The following CDH13 variants were observed in gnomAD, a reference collection of about 807,000 sequenced individuals.
CDH13 encodes cadherin-13.
In CDH13, 24 loss-of-function variants were observed where a neutral mutation model predicts 63.8. That is an observed-to-expected ratio of 0.38 (90% CI 0.27 to 0.53). The LOEUF (loss-of-function observed/expected upper bound fraction) is 0.53. Among genes scored for constraint, CDH13 ranks in the 20% least tolerant of loss-of-function variants. The pLI, the probability that CDH13 is intolerant of heterozygous loss-of-function variation, is 0.85. For synonymous variants in CDH13, 503 were observed against 355.3 expected, an observed-to-expected ratio of 1.42 and a Z score of -4.67; for missense variants, 1,049 against 903.1, an observed-to-expected ratio of 1.16 and a Z score of -2.07.
intron 2 of CDH13, among the ~76,000 whole-genome samples, chr16:82,865,841 A>C (rs189249563): frequency 2.0e-5 from 3 of 152,116 alleles, no homozygotes; most frequent in African/African-American, 4.8e-5. Flanking sequence ...CAGGCTGCAA[A>C]TTTTCCAAAC....
At chr16:83,392,990 G>A (rs941436546) in intron 6 of CDH13, among the ~76,000 whole-genome samples, 20 of 151,986 alleles carry the variant, frequency 1.3e-4, no homozygotes, top group Non-Finnish European at 2.4e-4. Flanking sequence ...AGGGTGATGG[G>A]GTGTGGGTGC....
intron 10 of CDH13, among the ~76,000 whole-genome samples, chr16:83,687,787 A>G (rs1233642141): frequency 1.3e-5 from 2 of 152,220 alleles, no homozygotes; most frequent in East Asian, 3.8e-4. Flanking sequence ...AGTCCATGAA[A>G]GTTACATTGA....
intron 1 of CDH13, among the ~76,000 whole-genome samples, chr16:82,706,638 T>TAA (rs761433255): frequency 5.9e-5 from 8 of 134,614 alleles, no homozygotes; most frequent in East Asian, 2.1e-4. Context: ...CTACTAAAAC[T>TAA]AAAAAAAAAA....
intron 7 of CDH13, among the ~76,000 whole-genome samples, chr16:83,590,461 G>C (rs1013465094): frequency 6.6e-6 from 1 of 152,196 alleles, no homozygotes; most frequent in African/African-American, 2.4e-5. Flanking sequence ...AGAACGGCCA[G>C]GTTGTGGGGA....
At chr16:83,684,915 C>T (rs964231628) in intron 10 of CDH13, among the ~76,000 whole-genome samples, 2 of 151,988 alleles carry the variant, frequency 1.3e-5, no homozygotes, top group Non-Finnish European at 2.9e-5. Flanking sequence ...AGGTCTAGAG[C>T]AGGCATGACA....
intron 1 of CDH13, among the ~76,000 whole-genome samples, chr16:82,822,234 C>G (rs1370031823): frequency 6.6e-6 from 1 of 151,988 alleles, no homozygotes; most frequent in African/African-American, 2.4e-5. Flanking sequence ...AAATGTCTAT[C>G]AAAAGAACAC....
chr16:82,779,104 G>A (rs184928868), intron 1 of CDH13, among the ~76,000 whole-genome samples: 2 of 152,268 alleles, frequency 1.3e-5, no homozygotes, highest in Admixed American at 1.3e-4. Context: ...TGAGTAATGA[G>A]TCCACTGAAA....
chr16:83,190,080 G>T (rs763362307), intron 4 of CDH13, among the ~76,000 whole-genome samples: 4 of 152,116 alleles, frequency 2.6e-5, no homozygotes, highest in Non-Finnish European at 5.9e-5. Flanking sequence ...TAAGTCTTGG[G>T]TATGTCTTTA....
intron 6 of CDH13, among the ~76,000 whole-genome samples, chr16:83,418,944 G>C (rs1233737965): frequency 6.6e-6 from 1 of 152,128 alleles, no homozygotes; most frequent in East Asian, 1.9e-4. Flanking sequence ...TCTTCTGATA[G>C]GGAATGGCAA....
intron 11 of CDH13, among the ~76,000 whole-genome samples, chr16:83,764,496 C>T (rs1336814184): frequency 1.3e-5 from 2 of 152,206 alleles, no homozygotes; most frequent in African/African-American, 2.4e-5. Context: ...ACCAGTTCAT[C>T]CTGCCAAAGT....
At position 83,042,460 on chromosome 16, in the gene CDH13, T is replaced by C. The variant is rs137944137; in HGVS notation, c.366+10242T>C. ...CCCATCACCCCGAGACAGGACCATG[T>C]AGTCGCAGGAAAACAAGCTGAGGGC... On this transcript the variant is annotated intron_variant, in intron 3 of 13. Coordinates refer to ENST00000567109, the MANE Select transcript of CDH13 (RefSeq NM_001257.5). 5.0e-3 allele frequency among the ~76,000 whole-genome samples: 760 copies of C among 152,262 alleles called. 9 individuals carry two copies. The highest frequency in any genetic ancestry group is 0.037 in the Middle Eastern group (11 of 294).
At chr16:83,680,441 G>T (rs576459929) in intron 10 of CDH13, among the ~76,000 whole-genome samples, 1 of 152,306 alleles carries the variant, frequency 6.6e-6, no homozygotes, top group South Asian at 2.1e-4. Flanking sequence ...GCCCATAGGT[G>T]CAGTCCCAGC....
At chr16:82,967,873 A>C (rs748124840) in intron 2 of CDH13, among the ~76,000 whole-genome samples, 1 of 152,152 alleles carries the variant, frequency 6.6e-6, no homozygotes, top group Non-Finnish European at 1.5e-5. Flanking sequence ...TTTGTAACTA[A>C]CAAGGGTCTT....
intron 1 of CDH13, among the ~76,000 whole-genome samples, chr16:82,741,773 G>A (rs1449059737): frequency 1.3e-5 from 2 of 151,912 alleles, no homozygotes; most frequent in South Asian, 2.1e-4. Context: ...TTCAAATAGG[G>A]AATTATGTTT....
chr16:82,693,542 T>G (rs997266541), intron 1 of CDH13, among the ~76,000 whole-genome samples: 1 of 152,200 alleles, frequency 6.6e-6, no homozygotes, highest in African/African-American at 2.4e-5. Flanking sequence ...GTATGCTGCA[T>G]AAAGGACCCC....
intron 10 of CDH13, among the ~76,000 whole-genome samples, chr16:83,689,860 A>C (rs910033931): frequency 2.0e-5 from 3 of 152,210 alleles, no homozygotes; most frequent in African/African-American, 7.2e-5. Flanking sequence ...TTTTCTAGGC[A>C]TTGGGGGATA....
chr16:83,602,098 G>GAAC (rs1567797487), intron 7 of CDH13, among the ~76,000 whole-genome samples: 296 of 6,598 alleles, frequency 0.045, 20 homozygotes, highest in Admixed American at 0.099. Flanking sequence ...AAAAAAAAAA[G>GAAC]AACAACAACA....
intron 2 of CDH13, among the ~76,000 whole-genome samples, chr16:82,871,489 A>T (rs759632376): frequency 6.6e-6 from 1 of 152,180 alleles, no homozygotes; most frequent in Non-Finnish European, 1.5e-5. Flanking sequence ...GGTTGACACT[A>T]ACAGGCATCT....
chr16:83,423,249 C>T (rs1305206351), intron 6 of CDH13, among the ~76,000 whole-genome samples: 1 of 152,152 alleles, frequency 6.6e-6, no homozygotes, highest in Admixed American at 6.5e-5. Context: ...CAGGCATTTT[C>T]AACATGACAT....
Sources: allele counts gnomAD v4.1 joint callset (sites outside exome capture counted in the v4.1 genomes callset), GRCh38; gene constraint gnomAD v4.1.1; transcripts MANE v1.5; gene names NCBI Gene and HGNC (gene_info 2026-07-23, HGNC 2026-07-21).